The following DYTN variants were observed in gnomAD, a reference collection of about 807,000 sequenced individuals.
The protein encoded by DYTN is dystrotelin.
In DYTN, 75 loss-of-function variants were observed where a neutral mutation model predicts 69.6. The observed-to-expected ratio is 1.08, with a 90% CI of 0.89 to 1.31. The LOEUF (loss-of-function observed/expected upper bound fraction) is 1.31. DYTN is among the 50% of genes most tolerant of loss of function. The pLI is 0.00. For missense variants in DYTN, 726 were observed against 688.4 expected, an observed-to-expected ratio of 1.05 and a Z score of -0.61; for synonymous variants, 252 against 249.1, an observed-to-expected ratio of 1.01 and a Z score of -0.11.
At chr2:206,653,269 T>C (rs181666491) in intron 11 of DYTN, among the ~76,000 whole-genome samples, 3 of 152,346 alleles carry the variant, frequency 2.0e-5, no homozygotes, top group East Asian at 3.9e-4. Context: ...CATACTGTAA[T>C]TTTTCTTATT....
intron 9 of DYTN, among the ~76,000 whole-genome samples, chr2:206,686,330 G>T (rs1699805153): frequency 6.6e-6 from 1 of 152,208 alleles, no homozygotes. Context: ...GTGACTTTTG[G>T]AAGTAGAAGC....
chr2:206,674,017 T>G (rs545938990), intron 9 of DYTN, among the ~76,000 whole-genome samples: 1 of 152,338 alleles, frequency 6.6e-6, no homozygotes, highest in Admixed American at 6.5e-5. Context: ...AATTAATTTA[T>G]AGTTCTTACC....
At chr2:206,712,258 C>A (rs1052450318) in intron 1 of DYTN, among the ~76,000 whole-genome samples, 1 of 152,058 alleles carries the variant, frequency 6.6e-6, no homozygotes, top group African/African-American at 2.4e-5. Context: ...TAGCAGGCCC[C>A]GGGGGTAAAT....
At chr2:206,688,746 T>C (rs1699836739) in intron 9 of DYTN, among the ~76,000 whole-genome samples, 2 of 152,216 alleles carry the variant, frequency 1.3e-5, no homozygotes, top group South Asian at 4.1e-4. Context: ...ATTTAGAAAT[T>C]TGGCATTTTT....
intron 11 of DYTN, among the ~76,000 whole-genome samples, chr2:206,656,202 T>C (rs1389907484): frequency 2.6e-5 from 4 of 152,190 alleles, no homozygotes; most frequent in Admixed American, 2.6e-4. Flanking sequence ...TAGTATCTTC[T>C]GGGTAAATTG....
rs943930884 is a variant in DYTN, at chr2:206,692,277, A to G, written c.980+898T>C. Among the ~76,000 whole-genome samples, 26 of 152,070 alleles carry G rather than the reference A, an allele frequency of 1.7e-4. 1 individual carries two copies. The highest frequency in any genetic ancestry group is 6.0e-4 in the African/African-American group (25 of 41,388). ...GAGATCTTGTCTCTAAAAAAAAAAAAAAAAAGTGTTTCTCTCCTTTATCTT... is the reference window on the plus strand; with the variant it reads ...GAGATCTTGTCTCTAAAAAAAAAAAGAAAAAGTGTTTCTCTCCTTTATCTT... On this transcript the variant is annotated intron_variant, in intron 9 of 11. Transcript: ENST00000452335.
At chr2:206,668,164 T>C (rs184485819) in intron 9 of DYTN, among the ~76,000 whole-genome samples, 2 of 152,304 alleles carry the variant, frequency 1.3e-5, no homozygotes, top group African/African-American at 2.4e-5. Context: ...CTAAACAGTG[T>C]TCTCTGGACC....
chr2:206,689,050 A>C (rs1326604280), intron 9 of DYTN, among the ~76,000 whole-genome samples: 9 of 152,158 alleles, frequency 5.9e-5, no homozygotes, highest in Non-Finnish European at 1.2e-4. Context: ...AAGAGAAGTA[A>C]TTCTGTCTGT....
chr2:206,662,698 T>C (rs1023945208), intron 11 of DYTN, among the ~76,000 whole-genome samples: 2 of 151,174 alleles, frequency 1.3e-5, no homozygotes, highest in African/African-American at 4.9e-5. Flanking sequence ...TCTTACATGG[T>C]TTATCACCTT....
At chr2:206,686,062 A>G (rs926342695) in intron 9 of DYTN, among the ~76,000 whole-genome samples, 1 of 151,508 alleles carries the variant, frequency 6.6e-6, no homozygotes, top group Non-Finnish European at 1.5e-5. Flanking sequence ...TACAAACTTC[A>G]TAAGCAATGC....
chr2:206,663,277 G>A lies in DYTN; in HGVS notation c.1259C>T (p.Ala420Val), dbSNP rs750551045. The A allele has an allele frequency of 4.3e-6, 7 of 1,613,984 alleles. No individual in the cohort carries two copies. The highest frequency in any genetic ancestry group is 3.3e-5 in the Admixed American group (2 of 60,024). ...KGGDYLQIKN[A>V]TEDASTGEPL... ...TTCCCCTGTTGAAGCATCTTCAGTG[G>A]CATTCTTGATCTGCAAATAATCCCC... The change falls in exon 11 of 12, where the codon GCC (alanine) becomes GTC (valine). Residue 420 changes from alanine (A) to valine (V), a missense_variant. Ala to Val is a moderately conservative substitution (Grantham distance 64, BLOSUM62 0). Transcript: ENST00000452335.
In DYTN at chr2:206,651,757, A is replaced by C. The variant is rs1029641385; in HGVS notation, c.*61T>G. The C allele has an allele frequency of 1.4e-6, 2 of 1,444,474 alleles. No individual in the cohort carries two copies. The highest frequency in any genetic ancestry group is 2.8e-5 in the African/African-American group (2 of 70,910). 89.5% of individuals were successfully genotyped at this position (1,444,474 alleles called of 1,614,324 possible). A position where few individuals can be genotyped will look rare whatever the true frequency, so the allele number is the denominator to read the frequency against. ...AAAGGTAGAAGTCTTAATTCTTTTA[A>C]TACAGTTGTGCAACTGCATTTTGTC... On this transcript the variant is annotated 3_prime_UTR_variant, in exon 12 of 12. Coordinates refer to ENST00000452335, the MANE Select transcript of DYTN (RefSeq NM_001093730.1).
At chr2:206,681,818 G>T (rs1051013555) in intron 9 of DYTN, among the ~76,000 whole-genome samples, 1 of 152,178 alleles carries the variant, frequency 6.6e-6, no homozygotes, top group African/African-American at 2.4e-5. Context: ...GTTCATCAGG[G>T]ATACTGGCCT....
intron 11 of DYTN, among the ~76,000 whole-genome samples, chr2:206,658,767 G>T (rs568246755): frequency 7.9e-5 from 12 of 152,136 alleles, no homozygotes; most frequent in Non-Finnish European, 1.8e-4. Context: ...GTGTTTTCAT[G>T]CTAGTCCAAG....
intron 7 of DYTN, among the ~76,000 whole-genome samples, chr2:206,696,746 C>G (rs1181555194): frequency 2.0e-5 from 3 of 152,108 alleles, no homozygotes; most frequent in African/African-American, 7.2e-5. Context: ...CCACACTATC[C>G]TAGAATAGAC....
At chr2:206,680,719 C>T (rs2105893659) in intron 9 of DYTN, among the ~76,000 whole-genome samples, 1 of 152,242 alleles carries the variant, frequency 6.6e-6, no homozygotes, top group East Asian at 1.9e-4. Flanking sequence ...ATTTTAATGA[C>T]TAATAAATAC....
chr2:206,654,927 C>T (rs140856994), intron 11 of DYTN, among the ~76,000 whole-genome samples: 5 of 152,142 alleles, frequency 3.3e-5, no homozygotes, highest in Non-Finnish European at 7.4e-5. Flanking sequence ...AAATAGAGAT[C>T]TTTTTACTTG....
rs1312775047 is a variant in DYTN at position 206,677,442 on chromosome 2, T to G, written c.981-11413A>C. Among the ~76,000 whole-genome samples the G allele has an allele frequency of 2.0e-5, 3 of 152,066 alleles. 1 individual carries two copies. Among genetic ancestry groups the G allele is most frequent in the African/African-American group, 7.2e-5 (3 of 41,394 alleles). ...TAAAACACATTCTAAAATGACAAAT[T>G]TTTTGGTATATACTACAGGAACCAT... On this transcript the variant is annotated intron_variant, in intron 9 of 11. Transcript: ENST00000452335.
chr2:206,704,965 T>A, intron 4 of DYTN, 22 bp from the exon 5 acceptor site: 7 of 1,587,414 alleles, frequency 4.4e-6, no homozygotes, highest in Non-Finnish European at 6.0e-6. Context: ...GGAGGAACAA[T>A]CTTTAAATTG....
Sources: gnomAD v4.1 joint callset for allele counts (sites outside exome capture counted in the v4.1 genomes callset) on GRCh38, gnomAD v4.1.1 for gene constraint, MANE v1.5 for transcripts, NCBI Gene and HGNC (gene_info 2026-07-23, HGNC 2026-07-21) for gene names.